PTPN4: variants seen among roughly 807,000 people sequenced by gnomAD.
PTPN4 encodes protein tyrosine phosphatase non-receptor type 4.
Under a neutral mutation model 135.5 loss-of-function variants are expected in PTPN4, and 49 were observed. The ratio of observed to expected loss-of-function variants is 0.36; its 90% confidence interval spans 0.29 to 0.46. The LOEUF (loss-of-function observed/expected upper bound fraction) is 0.46. PTPN4 is among the 20% of genes least tolerant of loss of function. The pLI, the probability that PTPN4 is intolerant of heterozygous loss-of-function variation, is 1.00. For missense variants in PTPN4, 860 were observed against 1,101.0 expected (o/e 0.78, Z 3.10); for synonymous variants, 333 against 369.9 (o/e 0.90, Z 1.14).
At chr2:119,857,365 T>C (rs1485101220) in intron 2 of PTPN4, among the ~76,000 whole-genome samples, 1 of 151,964 alleles carries the variant, frequency 6.6e-6, no homozygotes, top group Non-Finnish European at 1.5e-5. Context: ...ACCCCGTCTC[T>C]ACTAAAAATA....
chr2:119,764,970 A>C (rs1342754579), intron 1 of PTPN4, among the ~76,000 whole-genome samples: 1 of 152,192 alleles, frequency 6.6e-6, no homozygotes, highest in Non-Finnish European at 1.5e-5. Context: ...GAAAGATCAC[A>C]GACTTTGGAG....
At chr2:119,781,947 G>A (rs1257609032) in intron 1 of PTPN4, among the ~76,000 whole-genome samples, 3 of 151,954 alleles carry the variant, frequency 2.0e-5, no homozygotes, top group Non-Finnish European at 4.4e-5. Context: ...GCGTGATTGT[G>A]TTATATATTA....
intron 14 of PTPN4, among the ~76,000 whole-genome samples, chr2:119,934,183 A>C (rs1229654309): frequency 6.6e-6 from 1 of 152,194 alleles, no homozygotes; most frequent in Non-Finnish European, 1.5e-5. Flanking sequence ...GTATGCTTGA[A>C]CTTGGGCAAG....
At chr2:119,864,088 T>C (rs1229734180) in intron 3 of PTPN4, among the ~76,000 whole-genome samples, 16 of 152,208 alleles carry the variant, frequency 1.1e-4, no homozygotes, top group Non-Finnish European at 1.5e-5. Flanking sequence ...TTTTAAAGAA[T>C]AAAGAGGATC....
chr2:119,952,345 G>A (rs1679222691), intron 19 of PTPN4, among the ~76,000 whole-genome samples: 1 of 151,810 alleles, frequency 6.6e-6, no homozygotes, highest in South Asian at 2.1e-4. Context: ...TTCTACACTA[G>A]CTTTCTTGCA....
rs1367417139 is a variant in PTPN4, at chr2:119,965,702, AAG to A, written c.2558+62_2558+63del. The stretch of plus-strand genomic sequence containing the variant: ...AGCTGAACAGATACGTCATTTTTAA[AAG>A]AGAGTACATATTTTGTCCTTATGGT... On this transcript the variant is annotated intron_variant, in intron 25 of 26. Transcript: ENST00000263708. 1.2e-5 allele frequency: 18 copies of A among 1,533,014 alleles called. No homozygotes were observed. In the East Asian group the frequency reaches 3.8e-4, roughly 33 times the overall value. 95.0% of individuals were successfully genotyped at this position (1,533,014 alleles called of 1,614,324 possible). A position where few individuals can be genotyped will look rare whatever the true frequency, so the allele number is the denominator to read the frequency against.
At chr2:119,867,788 T>C (rs1290768858) in intron 3 of PTPN4, among the ~76,000 whole-genome samples, 1 of 152,256 alleles carries the variant, frequency 6.6e-6, no homozygotes, top group Non-Finnish European at 1.5e-5. Flanking sequence ...ACCTTGCTAA[T>C]ACACATTACT....
At chr2:119,967,760 C>T in intron 25 of PTPN4, 77 bp from the exon 26 acceptor site, 2 of 1,144,784 alleles carry the variant, frequency 1.7e-6, no homozygotes, top group Non-Finnish European at 2.4e-6. Context: ...TGTTATAATT[C>T]AGTTTTATGC....
At chr2:119,791,820 A>G (rs1691153500) in intron 1 of PTPN4, among the ~76,000 whole-genome samples, 1 of 151,412 alleles carries the variant, frequency 6.6e-6, no homozygotes, top group African/African-American at 2.4e-5. Context: ...GTGTAGATTA[A>G]TTTTTCTAAG....
intron 9 of PTPN4, among the ~76,000 whole-genome samples, chr2:119,895,223 T>A (rs932009552): frequency 6.6e-6 from 1 of 152,190 alleles, no homozygotes; most frequent in African/African-American, 2.4e-5. Context: ...TTAAGAAAAT[T>A]AACGGCTGTC....
intron 11 of PTPN4, among the ~76,000 whole-genome samples, chr2:119,918,247 T>A (rs1678686137): frequency 6.6e-6 from 1 of 152,186 alleles, no homozygotes; most frequent in African/African-American, 2.4e-5. Context: ...TGTGTATTAG[T>A]CACAGGAAAT....
chr2:119,893,914 A>AG (rs1678278306), intron 9 of PTPN4, among the ~76,000 whole-genome samples: 2 of 152,072 alleles, frequency 1.3e-5, no homozygotes. Context: ...GAAAAAAAAA[A>AG]CAAAAACGGA....
intron 1 of PTPN4, among the ~76,000 whole-genome samples, chr2:119,776,992 G>T (rs879550922): frequency 6.6e-6 from 1 of 152,142 alleles, no homozygotes; most frequent in Admixed American, 6.5e-5. Flanking sequence ...TTGCTCTTTT[G>T]CTCAAAATCC....
At chr2:119,865,018 G>A (rs188454616) in intron 3 of PTPN4, among the ~76,000 whole-genome samples, 31 of 152,188 alleles carry the variant, frequency 2.0e-4, no homozygotes, top group Middle Eastern at 3.4e-3. Context: ...CTACTTCCTG[G>A]CATTAGTGAA....
chr2:119,781,126 TCA>T (rs1372193704), intron 1 of PTPN4, among the ~76,000 whole-genome samples: 1 of 152,144 alleles, frequency 6.6e-6, no homozygotes, highest in Non-Finnish European at 1.5e-5. Context: ...TGACTAGTCC[TCA>T]GTTAGATTTT....
intron 9 of PTPN4, among the ~76,000 whole-genome samples, chr2:119,898,258 A>T (rs2105013390): frequency 6.6e-6 from 1 of 152,340 alleles, no homozygotes; most frequent in African/African-American, 2.4e-5. Flanking sequence ...TACTGAGAAG[A>T]TGGATGTAAG....
At chr2:119,764,650 T>TC (rs1483883115) in intron 1 of PTPN4, among the ~76,000 whole-genome samples, 1 of 152,030 alleles carries the variant, frequency 6.6e-6, no homozygotes, top group Non-Finnish European at 1.5e-5. Context: ...TTTTTTTTTT[T>TC]CTTAAGTTTT....
At chr2:119,897,563 C>T (rs112498592) in intron 9 of PTPN4, among the ~76,000 whole-genome samples, 3,530 of 152,228 alleles carry the variant, frequency 0.023, 129 homozygotes, top group African/African-American at 0.077. Flanking sequence ...TCATGCTATC[C>T]TGTAATTAAA....
intron 14 of PTPN4, among the ~76,000 whole-genome samples, chr2:119,932,918 T>C (rs908929253): frequency 2.6e-5 from 4 of 152,086 alleles, no homozygotes; most frequent in African/African-American, 9.7e-5. Context: ...TAGGGGAGCA[T>C]ATATTGTTTG....
Sources: gnomAD v4.1 joint callset for allele counts (sites outside exome capture counted in the v4.1 genomes callset) on GRCh38, gnomAD v4.1.1 for gene constraint, MANE v1.5 for transcripts, NCBI Gene and HGNC (gene_info 2026-07-23, HGNC 2026-07-21) for gene names.